The following PLCL1 variants were observed in gnomAD, a reference collection of about 807,000 sequenced individuals.
PLCL1 encodes phospholipase C like 1 (inactive).
Under a neutral mutation model 84.4 loss-of-function variants are expected in PLCL1, and 41 were observed. The ratio of observed to expected loss-of-function variants is 0.49; its 90% CI spans 0.38 to 0.63. The LOEUF is 0.63. Ranked by LOEUF, PLCL1 falls within the 30% of genes least tolerant of loss-of-function variation. PLCL1 has a pLI of 0.00. For synonymous variants in PLCL1, 490 were observed against 488.3 expected, an observed-to-expected ratio of 1.00 and a Z score of -0.05; for missense variants, 1,206 against 1,367.8, an observed-to-expected ratio of 0.88 and a Z score of 1.87.
rs901204246 is a variant in PLCL1 at position 197,815,259 on chromosome 2, T to A, written c.240+9920T>A. 8.5e-5 allele frequency among the ~76,000 whole-genome samples: 13 copies of A among 152,286 alleles called. No individual in the cohort carries two copies. In the East Asian group the frequency reaches 2.1e-3, roughly 25 times the overall value. ...CATTCTGAAAATCCTAGGGTCTTTA[T>A]GAATTATGCCAAATCTACTCTGTGC... On this transcript the variant is annotated intron_variant, in intron 1 of 5. Coordinates refer to ENST00000428675, the MANE Select transcript of PLCL1 (RefSeq NM_006226.4).
intron 5 of PLCL1, among the ~76,000 whole-genome samples, chr2:198,106,384 GA>G (rs1320383038): frequency 6.6e-6 from 1 of 151,894 alleles, no homozygotes; most frequent in African/African-American, 2.4e-5. Flanking sequence ...AATACGTGGA[GA>G]ACATGAGATA....
At chr2:197,976,978 C>A (rs1010330191) in intron 1 of PLCL1, among the ~76,000 whole-genome samples, 1 of 152,212 alleles carries the variant, frequency 6.6e-6, no homozygotes, top group Non-Finnish European at 1.5e-5. Flanking sequence ...ACCTGCCTCT[C>A]TACTCATGTG....
chr2:198,008,655 A>C (rs759360209), intron 1 of PLCL1, among the ~76,000 whole-genome samples: 3 of 151,966 alleles, frequency 2.0e-5, no homozygotes, highest in Non-Finnish European at 4.4e-5. Context: ...GAATAATGCC[A>C]CAAGGAATGG....
chr2:197,946,157 G>A (rs1689266667), intron 1 of PLCL1, among the ~76,000 whole-genome samples: 1 of 152,150 alleles, frequency 6.6e-6, no homozygotes, highest in Admixed American at 6.5e-5. Flanking sequence ...AGCCATAGAA[G>A]TATTGGTGGG....
At position 198,084,922 on chromosome 2, in the gene PLCL1, C is replaced by A. The variant is rs765105645; in HGVS notation, c.1405C>A (p.Arg469=). 2.4e-5 allele frequency: 39 copies of A among 1,613,760 alleles called. No homozygotes were observed. In the Middle Eastern group the frequency reaches 3.5e-3, roughly 143 times the overall value. Residue 469 remains arginine (R), a synonymous_variant, in exon 2 of 6, where the codon CGA becomes AGA. Transcript: ENST00000428675. ...RNNMTTHVSF[R]SVIEVINKFA... is the part of the protein sequence containing the mutation. Reference sequence around the variant, plus strand: ...TAACATGACAACCCATGTTTCCTTTCGAAGTGTCATAGAGGTAATAAATAA... The same window carrying A: ...TAACATGACAACCCATGTTTCCTTTAGAAGTGTCATAGAGGTAATAAATAA...
At chr2:198,008,018 T>C (rs184702718) in intron 1 of PLCL1, among the ~76,000 whole-genome samples, 32 of 152,218 alleles carry the variant, frequency 2.1e-4, no homozygotes, top group Middle Eastern at 3.4e-3. Context: ...CATTATTTCA[T>C]TGTTTACTTT....
At chr2:197,957,706 C>T (rs1574968426) in intron 1 of PLCL1, among the ~76,000 whole-genome samples, 1 of 152,032 alleles carries the variant, frequency 6.6e-6, no homozygotes, top group African/African-American at 2.4e-5. Flanking sequence ...CAGAGAGCCC[C>T]TCATCCTGCT....
intron 1 of PLCL1, among the ~76,000 whole-genome samples, chr2:197,880,150 C>G (rs1687804136): frequency 6.6e-6 from 1 of 152,106 alleles, no homozygotes; most frequent in South Asian, 2.1e-4. Context: ...ATGTCCAGAT[C>G]AATAGCATTT....
At chr2:198,029,487 T>C (rs1574258388) in intron 1 of PLCL1, among the ~76,000 whole-genome samples, 2 of 152,146 alleles carry the variant, frequency 1.3e-5, no homozygotes, top group African/African-American at 2.4e-5. Flanking sequence ...CTTTTGTGTA[T>C]TGTTATCTCT....
intron 1 of PLCL1, among the ~76,000 whole-genome samples, chr2:198,050,742 G>T (rs1399045463): frequency 6.6e-6 from 1 of 152,094 alleles, no homozygotes; most frequent in African/African-American, 2.4e-5. Flanking sequence ...TCCCCTTCTA[G>T]TTTTTCCCCT....
chr2:197,808,571 A>T lies in PLCL1; in HGVS notation c.240+3232A>T, dbSNP rs375707645. Among the ~76,000 whole-genome samples, 29 of 152,336 alleles carry T rather than the reference A, an allele frequency of 1.9e-4. 1 individual carries two copies. The highest frequency in any genetic ancestry group is 6.5e-4 in the African/African-American group (27 of 41,566). ...TAGCAAATGTTTTATATTGAGAGAA[A>T]ATGCATTTTTCACAGTTTTGCCAAG... is the stretch of plus-strand genomic sequence containing the variant. On this transcript the variant is annotated intron_variant, in intron 1 of 5. Coordinates refer to ENST00000428675, the MANE Select transcript of PLCL1 (RefSeq NM_006226.4).
chr2:197,907,757 C>T (rs888484728), intron 1 of PLCL1, among the ~76,000 whole-genome samples: 1 of 152,198 alleles, frequency 6.6e-6, no homozygotes, highest in Non-Finnish European at 1.5e-5. Flanking sequence ...ACCTTCTTGT[C>T]TGGCCTTCTT....
At chr2:198,028,911 G>C (rs895770029) in intron 1 of PLCL1, among the ~76,000 whole-genome samples, 2 of 152,086 alleles carry the variant, frequency 1.3e-5, no homozygotes, top group South Asian at 2.1e-4. Flanking sequence ...TCTATTTAAA[G>C]AGAAGATATT....
At chr2:197,961,337 T>G (rs1689618186) in intron 1 of PLCL1, among the ~76,000 whole-genome samples, 1 of 151,730 alleles carries the variant, frequency 6.6e-6, no homozygotes, top group Admixed American at 6.6e-5. Flanking sequence ...GCCTCTAGAT[T>G]TTTCATTCTT....
chr2:198,082,380 G>A (rs1245104037), intron 1 of PLCL1, among the ~76,000 whole-genome samples: 1 of 151,882 alleles, frequency 6.6e-6, no homozygotes, highest in African/African-American at 2.4e-5. Flanking sequence ...GGAGGCGGAG[G>A]TTGCATTGCA....
At chr2:197,929,063 T>C (rs1458596286) in intron 1 of PLCL1, among the ~76,000 whole-genome samples, 1 of 152,232 alleles carries the variant, frequency 6.6e-6, no homozygotes, top group Non-Finnish European at 1.5e-5. Context: ...CTGTGATTGC[T>C]AATGTATATG....
chr2:197,948,517 T>G (rs1037015641), intron 1 of PLCL1, among the ~76,000 whole-genome samples: 26 of 152,144 alleles, frequency 1.7e-4, no homozygotes, highest in African/African-American at 6.0e-4. Context: ...TAATTTTTTT[T>G]TTTTGTTTTC....
At chr2:197,896,660 C>A (rs1431584120) in intron 1 of PLCL1, among the ~76,000 whole-genome samples, 3 of 152,032 alleles carry the variant, frequency 2.0e-5, no homozygotes, top group African/African-American at 7.2e-5. Flanking sequence ...TGGTACATGT[C>A]TGCGTTCAAG....
intron 1 of PLCL1, among the ~76,000 whole-genome samples, chr2:198,001,439 C>G (rs951684730): frequency 6.6e-6 from 1 of 152,094 alleles, no homozygotes; most frequent in African/African-American, 2.4e-5. Context: ...AAGAGAACCT[C>G]CTAGAAAGCC....
Sources: allele counts gnomAD v4.1 joint callset (sites outside exome capture counted in the v4.1 genomes callset), GRCh38; gene constraint gnomAD v4.1.1; transcripts MANE v1.5; gene names NCBI Gene and HGNC (gene_info 2026-07-23, HGNC 2026-07-21).